The following LHFPL3 variants were observed in gnomAD, a reference collection of about 807,000 sequenced individuals.
LHFPL3 encodes LHFPL tetraspan subfamily member 3.
LHFPL3 carries 5 observed loss-of-function variants against 19.3 expected under a neutral mutation model. The ratio of observed to expected loss-of-function variants is 0.26; its 90% CI spans 0.14 to 0.54. The LOEUF (loss-of-function observed/expected upper bound fraction) is 0.54, where lower values mean the gene tolerates loss of function less well. Ranked by LOEUF, LHFPL3 falls within the 20% of genes least tolerant of loss-of-function variation. LHFPL3 has a pLI of 0.94. For synonymous variants in LHFPL3, 133 were observed against 126.2 expected (o/e 1.05, Z -0.36); for missense variants, 249 against 307.4 (o/e 0.81, Z 1.42).
chr7:104,830,765 G>A (rs13242573), intron 2 of LHFPL3, among the ~76,000 whole-genome samples: 13,032 of 151,764 alleles, frequency 0.086, 1,319 homozygotes, highest in East Asian at 0.43. Context: ...GTCAGGCAGC[G>A]TGATGCCTCC....
intron 1 of LHFPL3, among the ~76,000 whole-genome samples, chr7:104,460,032 C>G (rs987584726): frequency 6.6e-6 from 1 of 152,110 alleles, no homozygotes; most frequent in Non-Finnish European, 1.5e-5. Context: ...CAAGTAGGCC[C>G]CAATGTCTGT....
At chr7:104,714,340 G>A (rs1173178913) in intron 1 of LHFPL3, among the ~76,000 whole-genome samples, 1 of 152,058 alleles carries the variant, frequency 6.6e-6, no homozygotes, top group Non-Finnish European at 1.5e-5. Context: ...TCTTACCATA[G>A]ATTGGTCATA....
intron 1 of LHFPL3, among the ~76,000 whole-genome samples, chr7:104,682,117 G>T (rs1447032710): frequency 6.6e-6 from 1 of 152,180 alleles, no homozygotes; most frequent in Admixed American, 6.5e-5. Context: ...AGCGTAACTA[G>T]TTATGGAAAA....
intron 1 of LHFPL3, among the ~76,000 whole-genome samples, chr7:104,365,277 C>T (rs11982396): frequency 0.16 from 24,529 of 151,444 alleles, 2,359 homozygotes; most frequent in Middle Eastern, 0.3. Context: ...CCAGCCTGGG[C>T]AACAAGAGTG....
intron 1 of LHFPL3, among the ~76,000 whole-genome samples, chr7:104,700,952 C>T (rs1033340737): frequency 1.3e-5 from 2 of 152,100 alleles, no homozygotes; most frequent in Non-Finnish European, 2.9e-5. Context: ...TTTTACTGCT[C>T]TACTGGTTAG....
chr7:104,330,449 CAG>C (rs1434032129), intron 1 of LHFPL3, among the ~76,000 whole-genome samples: 3 of 152,160 alleles, frequency 2.0e-5, no homozygotes, highest in Non-Finnish European at 4.4e-5. Context: ...CAATCCCTGA[CAG>C]AGTGTTGTAG....
chr7:104,694,641 C>T (rs1208695908), intron 1 of LHFPL3, among the ~76,000 whole-genome samples: 1 of 152,148 alleles, frequency 6.6e-6, no homozygotes, highest in Non-Finnish European at 1.5e-5. Flanking sequence ...ACTACCACCA[C>T]TCCCAGAAAA....
chr7:104,858,331 T>A (rs895211002), intron 2 of LHFPL3, among the ~76,000 whole-genome samples: 1 of 152,188 alleles, frequency 6.6e-6, no homozygotes, highest in East Asian at 1.9e-4. Flanking sequence ...TCACCCCAGG[T>A]TGCTTTCTCC....
At chr7:104,518,262 A>T (rs1793960838) in intron 1 of LHFPL3, among the ~76,000 whole-genome samples, 1 of 152,168 alleles carries the variant, frequency 6.6e-6, no homozygotes, top group African/African-American at 2.4e-5. Flanking sequence ...AAAATTTTAA[A>T]CTTTTTGCAG....
intron 1 of LHFPL3, among the ~76,000 whole-genome samples, chr7:104,519,067 T>C (rs1302974798): frequency 6.6e-6 from 1 of 152,140 alleles, no homozygotes; most frequent in Non-Finnish European, 1.5e-5. Flanking sequence ...CATCTTCTGT[T>C]CCCTCAGGAT....
chr7:104,572,643 C>A (rs1183733614), intron 1 of LHFPL3, among the ~76,000 whole-genome samples: 2 of 151,978 alleles, frequency 1.3e-5, no homozygotes, highest in African/African-American at 2.4e-5. Flanking sequence ...GGAAAAGAGC[C>A]AAAGGTTCTA....
intron 1 of LHFPL3, among the ~76,000 whole-genome samples, chr7:104,585,364 A>C (rs964695835): frequency 2.0e-5 from 3 of 152,078 alleles, no homozygotes; most frequent in Non-Finnish European, 4.4e-5. Flanking sequence ...CAAGATCCGC[A>C]CAGGGCTCTT....
chr7:104,744,759 C>G (rs542480358), intron 2 of LHFPL3, among the ~76,000 whole-genome samples: 18 of 152,208 alleles, frequency 1.2e-4, no homozygotes. Flanking sequence ...AACTACTGAC[C>G]CCATCTTGAA....
At chr7:104,489,852 T>G (rs890818758) in intron 1 of LHFPL3, among the ~76,000 whole-genome samples, 2 of 152,204 alleles carry the variant, frequency 1.3e-5, no homozygotes, top group African/African-American at 4.8e-5. Flanking sequence ...CAGTTCAGTT[T>G]TATCTGGCGT....
chr7:104,399,936 T>C lies in LHFPL3; in HGVS notation c.445+70712T>C, dbSNP rs916652049. Among the ~76,000 whole-genome samples the C allele has an allele frequency of 1.1e-4, 17 of 150,408 alleles. No individual in the cohort carries two copies. Among genetic ancestry groups the C allele is most frequent in the African/African-American group, 4.1e-4 (17 of 41,186 alleles). ...CTGGCCAACATGGTTAAACCCTGTC[T>C]CTACTAAAAATACAAAAATTAGCTG... is the stretch of plus-strand genomic sequence containing the variant. On this transcript the variant is annotated intron_variant, in intron 1 of 2. Transcript: ENST00000424859. The surrounding 1 kb of genome is among the most constrained non-coding windows in gnomAD (Gnocchi z 4.4).
intron 1 of LHFPL3, among the ~76,000 whole-genome samples, chr7:104,506,590 T>C (rs938619294): frequency 2.0e-5 from 3 of 152,250 alleles, no homozygotes; most frequent in African/African-American, 7.2e-5. Context: ...GTAATCTCAC[T>C]TGAGCCTCAG....
chr7:104,785,668 T>G (rs1032894122), intron 2 of LHFPL3: 2 of 152,258 alleles, frequency 1.3e-5, no homozygotes, highest in Non-Finnish European at 2.9e-5. Context: ...AGAAATGTCT[T>G]GAGGCTCTGG....
chr7:104,877,020 A>G (rs13312258), intron 2 of LHFPL3, among the ~76,000 whole-genome samples: 40,840 of 151,968 alleles, frequency 0.27, 5,720 homozygotes, highest in East Asian at 0.48. Flanking sequence ...GCAAACTATC[A>G]CAAGGACAAA....
intron 2 of LHFPL3, among the ~76,000 whole-genome samples, chr7:104,828,156 G>A (rs925743336): frequency 2.0e-5 from 3 of 151,934 alleles, no homozygotes; most frequent in Admixed American, 1.3e-4. Context: ...CGCCATGCCT[G>A]ACTCATAAAT....
Sources: gnomAD v4.1 joint callset for allele counts (sites outside exome capture counted in the v4.1 genomes callset) on GRCh38, gnomAD v4.1.1 for gene constraint, Gnocchi (gnomAD v3.1) non-coding constraint, MANE v1.5 for transcripts, NCBI Gene and HGNC (gene_info 2026-07-23, HGNC 2026-07-21) for gene names.